Variants in SEMA6D observed in about 807,000 individuals in gnomAD.
SEMA6D encodes the protein semaphorin 6D.
Under a neutral mutation model 106.6 loss-of-function variants are expected in SEMA6D, and 35 were observed. The ratio of observed to expected loss-of-function variants is 0.33; its 90% CI spans 0.25 to 0.44. The LOEUF (loss-of-function observed/expected upper bound fraction) is 0.44. Ranked by LOEUF, SEMA6D falls within the 20% of genes least tolerant of loss-of-function variation. SEMA6D has a pLI of 1.00. For synonymous variants in SEMA6D, 499 were observed against 487.7 expected (o/e 1.02, Z -0.31); for missense variants, 1,185 against 1,345.9 (o/e 0.88, Z 1.87).
intron 3 of SEMA6D, among the ~76,000 whole-genome samples, chr15:47,492,390 C>T (rs562174592): frequency 8.5e-5 from 13 of 152,250 alleles, no homozygotes; most frequent in African/African-American, 3.1e-4. Flanking sequence ...TAAAAGTTCT[C>T]TCTCACTCCC....
At chr15:47,361,135 TC>T (rs1459562067) in intron 1 of SEMA6D, among the ~76,000 whole-genome samples, 32 of 152,324 alleles carry the variant, frequency 2.1e-4, no homozygotes, top group Non-Finnish European at 4.4e-4. Context: ...CTTCTTCCTT[TC>T]TTGCATCCTA....
intron 1 of SEMA6D, among the ~76,000 whole-genome samples, chr15:47,212,472 G>T (rs984770787): frequency 6.6e-6 from 1 of 152,184 alleles, no homozygotes; most frequent in Non-Finnish European, 1.5e-5. Context: ...CGAGCATGAC[G>T]TATTGAGCAC....
intron 3 of SEMA6D, among the ~76,000 whole-genome samples, chr15:47,565,526 A>G (rs4775696): frequency 0.46 from 69,314 of 152,108 alleles, 16,610 homozygotes; most frequent in Non-Finnish European, 0.53. Flanking sequence ...TCCTTCTTCA[A>G]TACTATTGAG....
chr15:47,654,867 C>G (rs1424772149), intron 4 of SEMA6D, among the ~76,000 whole-genome samples: 1 of 152,210 alleles, frequency 6.6e-6, no homozygotes, highest in Non-Finnish European at 1.5e-5. Context: ...GAACCATATG[C>G]CAATTATACC....
At chr15:47,714,892 G>C (rs886523172), upstream of SEMA6D, among the ~76,000 whole-genome samples, 1 of 152,208 alleles carries the variant, frequency 6.6e-6, no homozygotes, top group East Asian at 1.9e-4. Flanking sequence ...TTAAATGCCA[G>C]GCACTGTGGT....
At chr15:47,577,491 G>A (rs1418199337) in intron 3 of SEMA6D, among the ~76,000 whole-genome samples, 2 of 152,334 alleles carry the variant, frequency 1.3e-5, no homozygotes, top group East Asian at 1.9e-4. Context: ...GGAATTTATG[G>A]TGTTCAAGAT....
intron 2 of SEMA6D, among the ~76,000 whole-genome samples, chr15:47,451,130 G>T (rs895546720): frequency 6.6e-6 from 1 of 152,018 alleles, no homozygotes; most frequent in East Asian, 1.9e-4. Context: ...CCTTTTGCAG[G>T]GTATGAGATA....
intron 2 of SEMA6D, among the ~76,000 whole-genome samples, chr15:47,422,180 G>GCCTGCCTGCCTTCCTTCCTTCCTT (rs1455030787): frequency 0.053 from 5,983 of 112,492 alleles, 297 homozygotes; most frequent in Non-Finnish European, 0.07. Context: ...CCGCCTGCCT[G>GCCTGCCTGCCTTCCTTCCTTCCTT]CCTTCCTTCC....
chr15:47,272,137 A>G (rs537527432), intron 1 of SEMA6D, among the ~76,000 whole-genome samples: 27 of 152,298 alleles, frequency 1.8e-4, no homozygotes, highest in African/African-American at 6.5e-4. Context: ...GCTAGAAAGG[A>G]GAGAGAAAAA....
intron 1 of SEMA6D, chr15:47,274,705 C>G (rs2034718022): frequency 6.6e-6 from 1 of 152,328 alleles, no homozygotes. Flanking sequence ...CCTTCACTCT[C>G]TGCCTCACCT....
At chr15:47,696,483 A>C (rs374968945) in intron 4 of SEMA6D, among the ~76,000 whole-genome samples, 3 of 152,152 alleles carry the variant, frequency 2.0e-5, no homozygotes, top group East Asian at 1.9e-4. Flanking sequence ...AAGGAGAGAG[A>C]GGGCCCCTCC....
At chr15:47,766,771 GA>G in intron 16 of SEMA6D, 94 bp downstream of exon 16, 1 of 842,648 alleles carries the variant, frequency 1.2e-6, no homozygotes, top group Non-Finnish European at 1.9e-6. Flanking sequence ...AATGACTCAG[GA>G]CACATACCAC....
intron 1 of SEMA6D, among the ~76,000 whole-genome samples, chr15:47,318,146 A>T (rs1047560443): frequency 8.2e-5 from 12 of 146,868 alleles, no homozygotes; most frequent in African/African-American, 3.0e-4. Context: ...CTTATATTTT[A>T]TTTTTTGAAT....
At chr15:47,215,525 C>G (rs1407306712) in intron 1 of SEMA6D, among the ~76,000 whole-genome samples, 1 of 151,978 alleles carries the variant, frequency 6.6e-6, no homozygotes, top group Non-Finnish European at 1.5e-5. Context: ...TATATATTTA[C>G]AAGAACATTT....
chr15:47,357,566 A>C (rs2038635101), intron 1 of SEMA6D, among the ~76,000 whole-genome samples: 2 of 152,140 alleles, frequency 1.3e-5, no homozygotes, highest in African/African-American at 4.8e-5. Context: ...GTTCGAGGGC[A>C]GGAAACATCC....
intron 1 of SEMA6D, among the ~76,000 whole-genome samples, chr15:47,236,453 A>G (rs537433776): frequency 1.3e-5 from 2 of 152,282 alleles, no homozygotes; most frequent in South Asian, 4.1e-4. Context: ...AATATCAGTA[A>G]TAATGCAATT....
At chr15:47,241,096 T>A (rs930629044) in intron 1 of SEMA6D, 1 of 152,190 alleles carries the variant, frequency 6.6e-6, no homozygotes, top group African/African-American at 2.4e-5. Flanking sequence ...GAGATTAGAA[T>A]GCAAATGGCA....
intron 1 of SEMA6D, among the ~76,000 whole-genome samples, chr15:47,409,212 C>T (rs2040700873): frequency 1.3e-5 from 2 of 152,158 alleles, no homozygotes; most frequent in Non-Finnish European, 2.9e-5. Context: ...AGTGTGGGAG[C>T]ACAATTCTCT....
chr15:47,570,905 A>G (rs1229609379), intron 3 of SEMA6D, among the ~76,000 whole-genome samples: 7 of 152,234 alleles, frequency 4.6e-5, no homozygotes, highest in Non-Finnish European at 1.0e-4. Context: ...GAAATGCTCC[A>G]TATGTTTCAG....
Sources: gnomAD v4.1 joint callset for allele counts (sites outside exome capture counted in the v4.1 genomes callset) on GRCh38, gnomAD v4.1.1 for gene constraint, MANE v1.5 for transcripts, NCBI Gene and HGNC (gene_info 2026-07-23, HGNC 2026-07-21) for gene names.